The following ESR1 variants were observed in gnomAD, a reference collection of about 807,000 sequenced individuals.
ESR1 encodes estrogen receptor 1, also known as estrogen receptor.
ESR1 carries 12 observed loss-of-function variants against 52.7 expected under a neutral mutation model. The observed-to-expected ratio is 0.23, with a 90% CI of 0.15 to 0.37. The LOEUF (loss-of-function observed/expected upper bound fraction) is 0.37, where lower values mean the gene tolerates loss of function less well. Among genes scored for constraint, ESR1 ranks in the 10% least tolerant of loss-of-function variants. The pLI, the probability that ESR1 is intolerant of heterozygous loss-of-function variation, is 1.00. For synonymous variants in ESR1, 305 were observed against 316.8 expected, an observed-to-expected ratio of 0.96 and a Z score of 0.39; for missense variants, 584 against 779.7, an observed-to-expected ratio of 0.75 and a Z score of 2.99.
At chr6:152,050,611 C>A (rs1376005057) in intron 5 of ESR1, among the ~76,000 whole-genome samples, 2 of 152,146 alleles carry the variant, frequency 1.3e-5, no homozygotes, top group Non-Finnish European at 2.9e-5. Flanking sequence ...AGAACACTAA[C>A]ATATAAACAT....
At chr6:151,831,304 T>C (rs1294358543) in intron 1 of ESR1, among the ~76,000 whole-genome samples, 5 of 152,028 alleles carry the variant, frequency 3.3e-5, no homozygotes, top group Non-Finnish European at 7.4e-5. Context: ...CAGACCTGGC[T>C]AATGTTTAAA....
downstream of ESR1, among the ~76,000 whole-genome samples, chr6:152,104,221 C>T (rs1202505301): frequency 6.6e-6 from 1 of 152,126 alleles, no homozygotes; most frequent in Non-Finnish European, 1.5e-5. Context: ...AGGGTCTTCT[C>T]ATTGTTTGAG....
intron 6 of ESR1, among the ~76,000 whole-genome samples, chr6:152,065,076 C>G (rs2128970680): frequency 6.6e-6 from 1 of 152,160 alleles, no homozygotes; most frequent in African/African-American, 2.4e-5. Context: ...AGGTTCATGC[C>G]TTTTTTCAGT....
intron 5 of ESR1, among the ~76,000 whole-genome samples, chr6:152,041,718 T>G (rs2045815597): frequency 6.6e-6 from 1 of 152,196 alleles, no homozygotes; most frequent in African/African-American, 2.4e-5. Flanking sequence ...ACTATCAAGA[T>G]CTCTCCAACA....
Position 151,685,107 on chromosome 6 carries a change from CTTTTTTTTTTTTTTTTTTT to C in ESR1, n.74-16749_74-16731del, listed in dbSNP as rs772122906. 8.2e-4 allele frequency among the ~76,000 whole-genome samples: 60 copies of C among 72,942 alleles called. 1 individual carries two copies. The highest frequency in any genetic ancestry group is 1.5e-3 in the East Asian group (3 of 1,948). The allele number at this position is 72,942 out of a possible 152,430, so 47.9% of individuals were successfully genotyped here. On this transcript the variant is annotated intron_variant and non_coding_transcript_variant, in intron 1 of 2. Coordinates refer to the ESR1 transcript ENST00000473497. ...TATCATTTTTGTCTGACACTGGCCTCTTTTTTTTTTTTTTTTTTTTTTTTTTTTTTTTTTTTTGAGACGG... is the reference window on the plus strand; with the variant it reads ...TATCATTTTTGTCTGACACTGGCCTCTTTTTTTTTTTTTTTTTTGAGACGG...
chr6:152,012,029 C>CACACAT lies in ESR1; in HGVS notation c.1235+240_1235+241insTACACA, dbSNP rs772336744. 2.7e-3 allele frequency among the ~76,000 whole-genome samples: 408 copies of CACACAT among 148,380 alleles called. 1 individual carries two copies. Among genetic ancestry groups the CACACAT allele is most frequent in the Non-Finnish European group, 4.4e-3 (293 of 66,854 alleles). The stretch of plus-strand genomic sequence containing the variant: ...CTATTATTTCTAATACACACACACA[C>CACACAT]ACACACACACACACACACTCACACT... On this transcript the variant is annotated intron_variant, in intron 5 of 7. Coordinates refer to ENST00000206249, the MANE Select transcript of ESR1 (RefSeq NM_000125.4).
intron 3 of ESR1, among the ~76,000 whole-genome samples, chr6:151,920,063 T>C (rs2031290847): frequency 6.6e-6 from 1 of 152,224 alleles, no homozygotes; most frequent in Non-Finnish European, 1.5e-5. Flanking sequence ...TTTTTATTTA[T>C]AGGCTGGTTC....
At chr6:151,717,151 C>T (rs937908249) in intron 2 of ESR1, among the ~76,000 whole-genome samples, 2 of 152,118 alleles carry the variant, frequency 1.3e-5, no homozygotes, top group Admixed American at 1.3e-4. Context: ...GAGGCGATGC[C>T]CCACCCTGCT....
chr6:152,076,410 G>T (rs1275570398), intron 6 of ESR1, among the ~76,000 whole-genome samples: 2 of 152,090 alleles, frequency 1.3e-5, no homozygotes, highest in African/African-American at 4.8e-5. Context: ...TTTCTTCCCA[G>T]TCTTGGGTAT....
intron 3 of ESR1, among the ~76,000 whole-genome samples, chr6:151,936,392 A>G (rs1404042728): frequency 6.6e-6 from 1 of 152,268 alleles, no homozygotes; most frequent in South Asian, 2.1e-4. Context: ...CCCACCCTCT[A>G]ATTTTTCTCA....
chr6:152,113,263 C>T (rs969961817), intron 6 of ESR1: 1 of 152,218 alleles, frequency 6.6e-6, no homozygotes, highest in Non-Finnish European at 1.5e-5. Flanking sequence ...AGCTCAAGGG[C>T]CTATAAAAAC....
At chr6:152,026,805 C>T (rs948186601) in intron 5 of ESR1, among the ~76,000 whole-genome samples, 1 of 152,090 alleles carries the variant, frequency 6.6e-6, no homozygotes, top group Non-Finnish European at 1.5e-5. Context: ...TGAGCACTCT[C>T]CAGTCCTAGT....
At chr6:151,754,292 G>C (rs866266897) in intron 2 of ESR1, among the ~76,000 whole-genome samples, 1 of 150,516 alleles carries the variant, frequency 6.6e-6, no homozygotes, top group South Asian at 2.1e-4. Flanking sequence ...TAAGTTTGTT[G>C]CTGGAGAGAA....
chr6:151,758,480 G>T (rs1183405802), intron 2 of ESR1, among the ~76,000 whole-genome samples: 5 of 152,128 alleles, frequency 3.3e-5, no homozygotes, highest in African/African-American at 9.7e-5. Flanking sequence ...GAAGAGGAAG[G>T]CCAGGGATGG....
chr6:151,764,817 G>T (rs1341144421), intron 2 of ESR1, among the ~76,000 whole-genome samples: 1 of 152,110 alleles, frequency 6.6e-6, no homozygotes, highest in Non-Finnish European at 1.5e-5. Flanking sequence ...CTTTAATTTT[G>T]AGGTCAAATA....
At chr6:151,809,869 CT>C (rs201714863) in intron 1 of ESR1, among the ~76,000 whole-genome samples, 238 of 145,666 alleles carry the variant, frequency 1.6e-3, no homozygotes, top group Middle Eastern at 3.5e-3. Flanking sequence ...TTCTGCCCAC[CT>C]TTTTTTTTTT....
chr6:151,684,013 C>G (rs528915480), intron 1 of ESR1, among the ~76,000 whole-genome samples: 3 of 151,922 alleles, frequency 2.0e-5, no homozygotes, highest in African/African-American at 7.3e-5. Flanking sequence ...CACCTGGCTA[C>G]GTGTCATACA....
chr6:151,967,013 C>T (rs752147189), intron 4 of ESR1, among the ~76,000 whole-genome samples: 1 of 152,208 alleles, frequency 6.6e-6, no homozygotes, highest in Non-Finnish European at 1.5e-5. Flanking sequence ...TCCTGCTTTG[C>T]ATTCCCTTAT....
intron 2 of ESR1, among the ~76,000 whole-genome samples, chr6:151,875,367 T>C (rs1220095246): frequency 6.6e-6 from 1 of 152,078 alleles, no homozygotes; most frequent in East Asian, 1.9e-4. Flanking sequence ...ACCCCAGTCA[T>C]CCCCCTCAGG....
Sources: allele counts gnomAD v4.1 joint callset (sites outside exome capture counted in the v4.1 genomes callset), GRCh38; gene constraint gnomAD v4.1.1; transcripts MANE v1.5; gene names NCBI Gene and HGNC (gene_info 2026-07-23, HGNC 2026-07-21).